Variants in RTN3 observed in about 807,000 individuals in gnomAD.
The protein encoded by RTN3 is reticulon-3.
Under a neutral mutation model 77.8 loss-of-function variants are expected in RTN3, and 49 were observed. That is an observed-to-expected ratio of 0.63 (90% CI 0.50 to 0.80). The LOEUF is 0.80. RTN3 is among the 30% of genes least tolerant of loss of function. The pLI is 0.00. For missense variants in RTN3, 1,236 were observed against 1,211.9 expected (o/e 1.02, Z -0.29); for synonymous variants, 464 against 446.9 (o/e 1.04, Z -0.48).
At chr11:63,699,321 A>C (rs1213901338) in intron 1 of RTN3, among the ~76,000 whole-genome samples, 20 of 151,666 alleles carry the variant, frequency 1.3e-4, no homozygotes, top group Admixed American at 1.3e-3. Flanking sequence ...AAAAAAAAAG[A>C]ATTCCTTCTG....
intron 1 of RTN3, among the ~76,000 whole-genome samples, chr11:63,697,208 A>T (rs1021759197): frequency 2.0e-5 from 3 of 151,982 alleles, no homozygotes; most frequent in Non-Finnish European, 4.4e-5. Flanking sequence ...AGAAAATTTT[A>T]AAAATAAGAA....
At chr11:63,698,010 T>C (rs552944613) in intron 1 of RTN3, among the ~76,000 whole-genome samples, 2 of 152,182 alleles carry the variant, frequency 1.3e-5, no homozygotes, top group African/African-American at 2.4e-5. Context: ...CCCATACTTT[T>C]TGTTTTCAGT....
In RTN3 at chr11:63,756,146, A is replaced by C; in HGVS notation, c.3029A>C (p.Asp1010Ala). Residue 1010 changes from aspartate to alanine, a missense_variant, in exon 8 of 9, where the codon GAT becomes GCT. By Grantham distance (126) the Asp-to-Ala change is moderately radical. This residue lies in a region of RTN3 where 141 missense variants were observed against 154.9 expected (regional missense o/e 0.91). Transcript: ENST00000377819. ...QIDHYVGIAR[D>A]QTKSIVEKIQ... ...GATCACTATGTTGGCATCGCCCGAG[A>C]TCAGACCAAGTCAATTGTTGAAAAG... 6.2e-7 allele frequency: 1 copy of C among 1,613,428 alleles called. No individual in the cohort carries two copies. The highest frequency in any genetic ancestry group is 1.7e-5 in the Admixed American group (1 of 60,010).
intron 3 of RTN3, among the ~76,000 whole-genome samples, chr11:63,723,266 T>C (rs2011950504): frequency 6.6e-6 from 1 of 152,142 alleles, no homozygotes; most frequent in Non-Finnish European, 1.5e-5. Context: ...AAGGCCTTTC[T>C]TGCAGCTTTC....
At chr11:63,745,494 A>G (rs1007385381) in intron 3 of RTN3, among the ~76,000 whole-genome samples, 8 of 152,174 alleles carry the variant, frequency 5.3e-5, no homozygotes, top group African/African-American at 1.9e-4. Flanking sequence ...GAGACCTGAA[A>G]AGTAAAGAAG....
Position 63,720,279 on chromosome 11 carries a change from G to A in RTN3, c.1777G>A (p.Glu593Lys), listed in dbSNP as rs1590835602. 1.2e-6 allele frequency: 2 copies of A among 1,613,642 alleles called. No homozygotes were observed. The highest frequency in any genetic ancestry group is 1.7e-6 in the Non-Finnish European group (2 of 1,179,788). ...AGTACCCGATACGAATGTCTCCTTA[G>A]AAGATGTGAGTGAAGTTGCTCCTGA... ...SKVPDTNVSL[E>K]DVSEVAPEKP... The change falls in exon 3 of 9, where the codon GAA (glutamate) becomes AAA (lysine). Residue 593 changes from glutamate (E) to lysine (K), a missense_variant. Around this residue, in one of 3 missense-constraint regions of RTN3, gnomAD observed 1,056 missense variants for 990.4 expected, o/e 1.07. Coordinates refer to ENST00000377819, the MANE Select transcript of RTN3 (RefSeq NM_001265589.2).
At chr11:63,747,262 C>T (rs917650092) in intron 3 of RTN3, among the ~76,000 whole-genome samples, 1 of 152,212 alleles carries the variant, frequency 6.6e-6, no homozygotes, top group Non-Finnish European at 1.5e-5. Context: ...CCCTCTAAGC[C>T]TTCTGTGTTG....
chr11:63,753,780 T>G, intron 7 of RTN3, 72 bp downstream of exon 7: 1 of 1,358,774 alleles, frequency 7.4e-7, no homozygotes, highest in South Asian at 1.2e-5. Flanking sequence ...TTCTGAGACA[T>G]TGAATGTTCA....
In RTN3 at chr11:63,728,844, G is replaced by A. The variant is rs185033069; in HGVS notation, c.2530+7812G>A. 2.8e-3 allele frequency among the ~76,000 whole-genome samples: 412 copies of A among 147,104 alleles called. 4 individuals carry two copies. Among genetic ancestry groups the A allele is most frequent in the African/African-American group, 8.4e-3 (331 of 39,490 alleles). On this transcript the variant is annotated intron_variant, in intron 3 of 8. Coordinates refer to ENST00000377819, the MANE Select transcript of RTN3 (RefSeq NM_001265589.2). ...GGAGGTTGCAGTGAGCCGGGATTGC[G>A]CCACTGCACTCCAGCCTGGGCGACA...
chr11:63,728,939 CAG>C (rs2012483295), intron 3 of RTN3, among the ~76,000 whole-genome samples: 1 of 148,122 alleles, frequency 6.8e-6, no homozygotes, highest in African/African-American at 2.5e-5. Flanking sequence ...AAGAATGACA[CAG>C]GGAAATGACA....
chr11:63,715,850 T>C (rs368133568), intron 2 of RTN3, among the ~76,000 whole-genome samples: 10 of 152,310 alleles, frequency 6.6e-5, no homozygotes, highest in African/African-American at 1.9e-4. Context: ...TGGCTCAGAT[T>C]GTGGAATATT....
intron 2 of RTN3, among the ~76,000 whole-genome samples, chr11:63,710,693 A>C (rs978399142): frequency 6.6e-6 from 1 of 151,488 alleles, no homozygotes; most frequent in Non-Finnish European, 1.5e-5. Context: ...TCTGCTCTCC[A>C]ACACATACCA....
At chr11:63,697,591 T>G (rs1244177493) in intron 1 of RTN3, among the ~76,000 whole-genome samples, 1 of 152,108 alleles carries the variant, frequency 6.6e-6, no homozygotes, top group Non-Finnish European at 1.5e-5. Flanking sequence ...TTCTCCTACC[T>G]TGGCCTCCCG....
In RTN3 at chr11:63,720,732, A is replaced by G. The variant is rs1307344668; in HGVS notation, c.2230A>G (p.Thr744Ala). The change falls in exon 3 of 9, where the codon ACA (threonine) becomes GCA (alanine). Residue 744 changes from threonine to alanine, a missense_variant. Thr to Ala is a moderately conservative substitution (Grantham distance 58, BLOSUM62 0). This residue lies in a region of RTN3 where 1,056 missense variants were observed against 990.4 expected (regional missense o/e 1.07). Coordinates refer to ENST00000377819, the MANE Select transcript of RTN3 (RefSeq NM_001265589.2). Reference protein sequence around the residue: ...ASLDLEQEQLTIKALKELGER... With the variant: ...ASLDLEQEQLAIKALKELGER... ...TCTTGACTTAGAACAAGAACAGCTC[A>G]CAATTAAGGCTCTTAAAGAATTAGG... is the stretch of plus-strand genomic sequence containing the variant. The G allele has an allele frequency of 1.9e-6, 3 of 1,613,664 alleles. No homozygotes were observed. Among genetic ancestry groups the G allele is most frequent in the South Asian group, 1.1e-5 (1 of 91,088 alleles).
chr11:63,755,992 C>T, intron 7 of RTN3, 120 bp from the exon 8 acceptor site: 1 of 673,064 alleles, frequency 1.5e-6, no homozygotes, highest in Non-Finnish European at 2.6e-6. Context: ...TGGGTGTTTT[C>T]ATTTTCTACA....
intron 1 of RTN3, among the ~76,000 whole-genome samples, chr11:63,696,812 G>C (rs1941967661): frequency 6.7e-6 from 1 of 150,186 alleles, no homozygotes; most frequent in African/African-American, 2.4e-5. Flanking sequence ...CTCCCAAAGT[G>C]CTGGGATTAC....
chr11:63,738,545 G>A (rs1157254346), intron 3 of RTN3, among the ~76,000 whole-genome samples: 2 of 151,706 alleles, frequency 1.3e-5, no homozygotes, highest in Non-Finnish European at 2.9e-5. Flanking sequence ...GGGAGGCTGA[G>A]GCAGGAGGAT....
chr11:63,691,600 C>T (rs1216021993), intron 1 of RTN3, among the ~76,000 whole-genome samples: 1 of 152,136 alleles, frequency 6.6e-6, no homozygotes, highest in Non-Finnish European at 1.5e-5. Context: ...TCTTCTCAAT[C>T]TCAATAAATG....
At chr11:63,711,421 A>G (rs2011158533) in intron 2 of RTN3, among the ~76,000 whole-genome samples, 1 of 145,996 alleles carries the variant, frequency 6.8e-6, no homozygotes, top group Admixed American at 6.9e-5. Context: ...ACAGGGTCTC[A>G]CTCTGTTGCC....
Sources: gnomAD v4.1 joint callset for allele counts (sites outside exome capture counted in the v4.1 genomes callset) on GRCh38, gnomAD v4.1.1 for gene constraint, gnomAD v4.1.1 regional missense constraint, MANE v1.5 for transcripts, NCBI Gene and HGNC (gene_info 2026-07-23, HGNC 2026-07-21) for gene names.